The following ARID1B variants were observed in gnomAD, a reference collection of about 807,000 sequenced individuals.
The protein encoded by ARID1B is AT-rich interactive domain-containing protein 1B.
In ARID1B, 30 loss-of-function variants were observed where a neutral mutation model predicts 212.3. The ratio of observed to expected loss-of-function variants is 0.14; its 90% CI spans 0.11 to 0.19. ARID1B has a LOEUF of 0.19. ARID1B is among the 10% of genes least tolerant of loss of function. The pLI, the probability that ARID1B is intolerant of heterozygous loss-of-function variation, is 1.00. For synonymous variants in ARID1B, 1,402 were observed against 1,301.7 expected (o/e 1.08, Z -1.66); for missense variants, 2,891 against 3,204.0 (o/e 0.90, Z 2.36).
At chr6:157,081,159 A>C (rs912884244) in intron 4 of ARID1B, among the ~76,000 whole-genome samples, 1 of 152,194 alleles carries the variant, frequency 6.6e-6, no homozygotes, top group Non-Finnish European at 1.5e-5. Context: ...CAATTACCTC[A>C]CCTGCCAGCT....
rs1562494760 is a variant in ARID1B, at chr6:156,934,936, ATATATATATATATATATATATATAT to A, written c.2137-529_2137-505del. Among the ~76,000 whole-genome samples the A allele has an allele frequency of 3.3e-3, 295 of 90,628 alleles. 2 individuals carry two copies. Among genetic ancestry groups the A allele is most frequent in the African/African-American group, 5.4e-3 (135 of 25,102 alleles). 59.5% of individuals were successfully genotyped at this position (90,628 alleles called of 152,430 possible). On this transcript the variant is annotated intron_variant, in intron 3 of 19. Transcript: ENST00000636930. ...ATTATATATATATATATATATATAT[ATATATATATATATATATATATATAT>A]AGTTTATATTTCTGCTGTTATTCAC... is the stretch of plus-strand genomic sequence containing the variant.
intron 17 of ARID1B, 137 bp downstream of exon 17, chr6:157,199,044 G>C: frequency 2.9e-6 from 2 of 697,042 alleles, no homozygotes; most frequent in Non-Finnish European, 4.5e-6. Flanking sequence ...TCAGGATATA[G>C]TTAATGCTAG....
chr6:157,048,238 TAAAG>T (rs1313601819), intron 4 of ARID1B, among the ~76,000 whole-genome samples: 1 of 152,242 alleles, frequency 6.6e-6, no homozygotes, highest in Non-Finnish European at 1.5e-5. Context: ...TTATGTGAAT[TAAAG>T]AATATATCAG....
chr6:157,091,497 G>T (rs1341557538), intron 5 of ARID1B, among the ~76,000 whole-genome samples: 2 of 152,180 alleles, frequency 1.3e-5, no homozygotes, highest in African/African-American at 4.8e-5. Context: ...ATTCAAACAA[G>T]CAGAATCTGG....
chr6:156,924,483 G>C (rs1423988090), intron 3 of ARID1B, among the ~76,000 whole-genome samples: 1 of 152,234 alleles, frequency 6.6e-6, no homozygotes, highest in East Asian at 1.9e-4. Context: ...CACAAGCACT[G>C]ATACTGGATC....
chr6:156,944,415 A>G (rs899498925), intron 4 of ARID1B, among the ~76,000 whole-genome samples: 9 of 152,100 alleles, frequency 5.9e-5, no homozygotes, highest in Admixed American at 3.3e-4. Flanking sequence ...TGTTCATCCT[A>G]GAGATTCCAG....
intron 2 of ARID1B, among the ~76,000 whole-genome samples, chr6:156,882,250 A>G (rs1787159807): frequency 6.6e-6 from 1 of 151,568 alleles, no homozygotes; most frequent in Non-Finnish European, 1.5e-5. Flanking sequence ...TCTGGGACCC[A>G]TTTCCGCCCA....
At chr6:157,115,006 C>T (rs1283206872) in intron 6 of ARID1B, among the ~76,000 whole-genome samples, 2 of 152,120 alleles carry the variant, frequency 1.3e-5, no homozygotes, top group South Asian at 4.2e-4. Flanking sequence ...AACCATGTAC[C>T]CTGTGTGTCA....
intron 4 of ARID1B, among the ~76,000 whole-genome samples, chr6:157,084,136 T>C (rs6935934): frequency 0.88 from 123,445 of 140,168 alleles, 53,597 homozygotes; most frequent in Middle Eastern, 0.96. Flanking sequence ...CTTCATCACC[T>C]CCCCCCCAAA....
intron 5 of ARID1B, among the ~76,000 whole-genome samples, chr6:157,097,235 A>G (rs1583300574): frequency 1.3e-5 from 2 of 152,356 alleles, no homozygotes; most frequent in South Asian, 2.1e-4. Flanking sequence ...TTGACACTTA[A>G]TTCTATATCT....
chr6:156,954,148 T>A lies in ARID1B; in HGVS notation c.2247+18572T>A, dbSNP rs183182596. On this transcript the variant is annotated intron_variant, in intron 4 of 19. Transcript: ENST00000636930. ...ATTATCTGCTTGATCTTGGACAATT[T>A]CAGAGGAGACAAAGTTCTAAGGAAC... Among the ~76,000 whole-genome samples the A allele has an allele frequency of 2.6e-3, 398 of 152,254 alleles. 1 individual carries two copies. Among genetic ancestry groups the A allele is most frequent in the African/African-American group, 9.4e-3 (390 of 41,552 alleles).
At chr6:156,912,254 CT>C (rs34051264) in intron 3 of ARID1B, among the ~76,000 whole-genome samples, 59,005 of 126,414 alleles carry the variant, frequency 0.47, 11,197 homozygotes, top group East Asian at 0.75. Flanking sequence ...AATCAAACCT[CT>C]TTTTTTTTTT....
intron 2 of ARID1B, among the ~76,000 whole-genome samples, chr6:156,835,400 TAAAG>T (rs1162934115): frequency 4.6e-5 from 7 of 152,186 alleles, no homozygotes; most frequent in Admixed American, 4.6e-4. Context: ...TTAAGTTAAA[TAAAG>T]ATTTTTAAAT....
chr6:156,919,840 A>G (rs1332347569), intron 3 of ARID1B, among the ~76,000 whole-genome samples: 1 of 152,184 alleles, frequency 6.6e-6, no homozygotes, highest in East Asian at 1.9e-4. Flanking sequence ...CTTTAAATGA[A>G]TGAATGAATG....
chr6:157,090,863 C>T (rs1785234321), intron 5 of ARID1B, among the ~76,000 whole-genome samples: 1 of 152,186 alleles, frequency 6.6e-6, no homozygotes, highest in Non-Finnish European at 1.5e-5. Context: ...TCTTTTTCTA[C>T]TGATACCTCC....
intron 2 of ARID1B, among the ~76,000 whole-genome samples, chr6:156,830,686 G>A (rs372488962): frequency 6.3e-4 from 96 of 151,924 alleles, no homozygotes; most frequent in Middle Eastern, 6.8e-3. Flanking sequence ...CCAGCTATTC[G>A]GGAGGCTGAA....
chr6:156,990,526 A>G (rs962050357), intron 4 of ARID1B, among the ~76,000 whole-genome samples: 2 of 152,126 alleles, frequency 1.3e-5, no homozygotes, highest in East Asian at 1.9e-4. Context: ...CTGTAATCCC[A>G]GCCACTCGGG....
chr6:156,821,549 G>A (rs1222589459), intron 1 of ARID1B, among the ~76,000 whole-genome samples: 1 of 152,240 alleles, frequency 6.6e-6, no homozygotes, highest in Non-Finnish European at 1.5e-5. Context: ...GAAAGGATTT[G>A]TATGTACATC....
intron 4 of ARID1B, among the ~76,000 whole-genome samples, chr6:157,021,424 G>A (rs1207599493): frequency 1.3e-5 from 2 of 152,218 alleles, no homozygotes; most frequent in Non-Finnish European, 2.9e-5. Flanking sequence ...CGGCGAGCGC[G>A]GAGGGGACCG....
Sources: allele counts gnomAD v4.1 joint callset (sites outside exome capture counted in the v4.1 genomes callset), GRCh38; gene constraint gnomAD v4.1.1; transcripts MANE v1.5; gene names NCBI Gene and HGNC (gene_info 2026-07-23, HGNC 2026-07-21).